Variants in CAPRIN1 observed in about 807,000 individuals in gnomAD.
CAPRIN1 encodes the protein cell cycle associated protein 1, also known as caprin-1.
In CAPRIN1, 29 loss-of-function variants were observed where a neutral mutation model predicts 100.9. The ratio of observed to expected loss-of-function variants is 0.29; its 90% confidence interval spans 0.21 to 0.39. The LOEUF is 0.39. Among genes scored for constraint, CAPRIN1 ranks in the 10% least tolerant of loss-of-function variants. The probability of loss-of-function intolerance (pLI) is 1.00; values close to 1 mark genes in which losing one functional copy is unlikely to be tolerated. For synonymous variants in CAPRIN1, 338 were observed against 307.5 expected (o/e 1.10, Z -1.04); for missense variants, 795 against 876.7 (o/e 0.91, Z 1.18).
At chr11:34,074,698 C>T in intron 4 of CAPRIN1, among the ~76,000 whole-genome samples, 1 of 152,198 alleles carries the variant, frequency 6.6e-6, no homozygotes, top group East Asian at 1.9e-4. Flanking sequence ...GCCTGGCCAA[C>T]ATAGTGAAAC....
intron 2 of CAPRIN1, among the ~76,000 whole-genome samples, chr11:34,065,860 C>T (rs1260626487): frequency 6.6e-6 from 1 of 152,102 alleles, no homozygotes; most frequent in Non-Finnish European, 1.5e-5. Context: ...GAAGCTTAGG[C>T]AAGGACAGGG....
intron 2 of CAPRIN1, 42 bp downstream of exon 2, chr11:34,052,678 G>A: frequency 1.3e-6 from 2 of 1,551,564 alleles, no homozygotes; most frequent in Non-Finnish European, 1.8e-6. Flanking sequence ...GCTGCGGCCG[G>A]GCTCTGCGGC....
chr11:34,072,481 A>G (rs1165863137), intron 4 of CAPRIN1, among the ~76,000 whole-genome samples: 1 of 152,184 alleles, frequency 6.6e-6, no homozygotes, highest in Non-Finnish European at 1.5e-5. Context: ...AATGTTTTTT[A>G]TTTATCATGT....
At chr11:34,094,150 C>G (rs888712610) in intron 15 of CAPRIN1, among the ~76,000 whole-genome samples, 2 of 151,862 alleles carry the variant, frequency 1.3e-5, no homozygotes, top group African/African-American at 4.8e-5. Context: ...GCCAGGCGTT[C>G]ATGATGAAAT....
At chr11:34,082,547 AT>A (rs1433076213) in intron 7 of CAPRIN1, among the ~76,000 whole-genome samples, 1 of 151,944 alleles carries the variant, frequency 6.6e-6, no homozygotes, top group Non-Finnish European at 1.5e-5. Context: ...AGGTGTAGAG[AT>A]TTCCCATTTA....
chr11:34,068,692 A>G (rs531000589), intron 2 of CAPRIN1, among the ~76,000 whole-genome samples: 14 of 152,350 alleles, frequency 9.2e-5, no homozygotes, highest in African/African-American at 2.4e-4. Context: ...TAAACAAACT[A>G]TATGTTCATT....
chr11:34,061,279 T>C (rs1174264080), intron 2 of CAPRIN1, among the ~76,000 whole-genome samples: 3 of 146,474 alleles, frequency 2.0e-5, no homozygotes, highest in Non-Finnish European at 3.0e-5. Flanking sequence ...CAATCTCAGC[T>C]CACTGCAACC....
chr11:34,060,333 T>TA (rs1850551916), intron 2 of CAPRIN1, among the ~76,000 whole-genome samples: 1 of 152,124 alleles, frequency 6.6e-6, no homozygotes, highest in Non-Finnish European at 1.5e-5. Context: ...AATACTGTTC[T>TA]AAAAATATTT....
intron 7 of CAPRIN1, 28 bp downstream of exon 7, chr11:34,079,793 G>GTT (rs1017141776): frequency 1.3e-6 from 2 of 1,593,930 alleles, no homozygotes; most frequent in Non-Finnish European, 1.7e-6. Flanking sequence ...ATCAACTTTA[G>GTT]TTTAGGGTCC....
chr11:34,074,783 C>G (rs4756103), intron 4 of CAPRIN1, among the ~76,000 whole-genome samples: 151,960 of 152,350 alleles, frequency 1, 75,787 homozygotes, highest in East Asian at 1. Flanking sequence ...GCTGAGGCAG[C>G]AGAATTACTT....
At chr11:34,090,480 G>T in intron 13 of CAPRIN1, 49 bp from the exon 14 acceptor site, 2 of 1,582,870 alleles carry the variant, frequency 1.3e-6, no homozygotes, top group South Asian at 1.1e-5. Flanking sequence ...CTTTTTGTTT[G>T]GCTAAGTTTA....
Position 34,101,573 on chromosome 11 carries a change from G to GT in CAPRIN1, c.*2212dup, listed in dbSNP as rs980155052. Reference sequence around the variant, plus strand: ...TCATAGTTTGACTGTTTCTATGTATGTTTTTTCAAAGAATTGTTCCTTTTT... The same window carrying GT: ...TCATAGTTTGACTGTTTCTATGTATGTTTTTTTCAAAGAATTGTTCCTTTTT... On this transcript the variant is annotated 3_prime_UTR_variant, in exon 19 of 19. Transcript: ENST00000341394. Among the ~76,000 whole-genome samples the GT allele has an allele frequency of 1.3e-5, 2 of 151,996 alleles. No homozygotes were observed. Among genetic ancestry groups the GT allele is most frequent in the South Asian group, 2.1e-4 (1 of 4,822 alleles).
At position 34,054,269 on chromosome 11, in the gene CAPRIN1, T is replaced by C. The variant is rs567292513; in HGVS notation, c.216+1633T>C. ...ATTTTGATAAATGTATGTTTTATTA[T>C]AGGTAATTGGAATAGTAAATGTAGT... On this transcript the variant is annotated intron_variant, in intron 2 of 18. Coordinates refer to ENST00000341394, the MANE Select transcript of CAPRIN1 (RefSeq NM_005898.5). Among the ~76,000 whole-genome samples, 19 of 152,282 alleles carry C rather than the reference T, an allele frequency of 1.2e-4. 1 individual carries two copies. In the South Asian group the frequency reaches 2.9e-3, roughly 23 times the overall value.
At chr11:34,052,816 C>T (rs1481272113) in intron 2 of CAPRIN1, 180 bp downstream of exon 2, 4 of 1,448,740 alleles carry the variant, frequency 2.8e-6, no homozygotes, top group East Asian at 2.5e-5. Context: ...GCCCAGAAAA[C>T]GGGCTCTTGG....
Position 34,070,436 on chromosome 11 carries a change from G to T in CAPRIN1, c.217-1290G>T, listed in dbSNP as rs551163981. Among the ~76,000 whole-genome samples, 15 of 152,252 alleles carry T rather than the reference G, an allele frequency of 9.9e-5. No individual in the cohort carries two copies. The South Asian group carries it at 3.1e-3, about 32-fold the overall frequency. The stretch of plus-strand genomic sequence containing the variant: ...GTGGGGAGCAGCATCTCACGCTGTC[G>T]CCTAGGCTGGAGTTTTGGCATTATT... On this transcript the variant is annotated intron_variant, in intron 2 of 18. Transcript: ENST00000341394.
intron 2 of CAPRIN1, among the ~76,000 whole-genome samples, chr11:34,056,105 C>T (rs773382220): frequency 6.6e-6 from 1 of 152,120 alleles, no homozygotes; most frequent in Non-Finnish European, 1.5e-5. Context: ...TCTTTAGAAA[C>T]CCTTGTGGAG....
At position 34,101,587 on chromosome 11, in the gene CAPRIN1, T is replaced by C. The variant is rs1352182356; in HGVS notation, c.*2220T>C. On this transcript the variant is annotated 3_prime_UTR_variant, in exon 19 of 19. Coordinates refer to ENST00000341394, the MANE Select transcript of CAPRIN1 (RefSeq NM_005898.5). ...TTTCTATGTATGTTTTTTCAAAGAA[T>C]TGTTCCTTTTTTTGAACTATAATTT... is the stretch of plus-strand genomic sequence containing the variant. Among the ~76,000 whole-genome samples, 1 of 152,222 alleles carries C rather than the reference T, an allele frequency of 6.6e-6. No individual in the cohort carries two copies. The highest frequency in any genetic ancestry group is 1.5e-5 in the Non-Finnish European group (1 of 68,028).
At chr11:34,061,003 C>G (rs1299785101) in intron 2 of CAPRIN1, among the ~76,000 whole-genome samples, 1 of 152,098 alleles carries the variant, frequency 6.6e-6, no homozygotes, top group Admixed American at 6.6e-5. Flanking sequence ...GTTAACATTT[C>G]TTTTTCCTAC....
chr11:34,062,585 A>T (rs1477530925), intron 2 of CAPRIN1, among the ~76,000 whole-genome samples: 3 of 147,924 alleles, frequency 2.0e-5, no homozygotes, highest in African/African-American at 7.5e-5. Context: ...AGATCACGCC[A>T]CTGCACTCCA....
Sources: gnomAD v4.1 joint callset for allele counts (sites outside exome capture counted in the v4.1 genomes callset) on GRCh38, gnomAD v4.1.1 for gene constraint, MANE v1.5 for transcripts, NCBI Gene and HGNC (gene_info 2026-07-23, HGNC 2026-07-21) for gene names.